The following BRAF variants were observed in gnomAD, a reference collection of about 807,000 sequenced individuals.
BRAF encodes B-Raf proto-oncogene, serine/threonine kinase.
Under a neutral mutation model 104.6 loss-of-function variants are expected in BRAF, and 16 were observed. The observed-to-expected ratio is 0.15, with a 90% CI of 0.10 to 0.23. BRAF has a LOEUF of 0.23. Ranked by LOEUF, BRAF falls within the 10% of genes least tolerant of loss-of-function variation. The pLI is 1.00. For missense variants in BRAF, 541 were observed against 937.3 expected (o/e 0.58, Z 5.52); for synonymous variants, 310 against 341.6 (o/e 0.91, Z 1.02).
At chr7:140,736,563 G>C (rs1403626206) in intron 18 of BRAF, among the ~76,000 whole-genome samples, 2 of 151,768 alleles carry the variant, frequency 1.3e-5, no homozygotes, top group African/African-American at 4.8e-5. Flanking sequence ...GAGTAGCTGG[G>C]ATTACAGGCA....
intron 1 of BRAF, among the ~76,000 whole-genome samples, chr7:140,854,221 C>T (rs1055490192): frequency 1.3e-5 from 2 of 152,172 alleles, no homozygotes; most frequent in Admixed American, 1.3e-4. Flanking sequence ...GATGTGTTCA[C>T]TGATCAACTC....
chr7:140,853,102 C>A (rs997617617), intron 1 of BRAF, among the ~76,000 whole-genome samples: 1 of 151,952 alleles, frequency 6.6e-6, no homozygotes, highest in African/African-American at 2.4e-5. Flanking sequence ...GGCACAGTAG[C>A]TATTCTTCAA....
At chr7:140,754,667 TC>T (rs1798056201) in intron 14 of BRAF, among the ~76,000 whole-genome samples, 2 of 152,180 alleles carry the variant, frequency 1.3e-5, no homozygotes, top group African/African-American at 4.8e-5. Context: ...AAATTCTAAC[TC>T]CTGAGTGAAG....
intron 1 of BRAF, among the ~76,000 whole-genome samples, chr7:140,888,489 T>C (rs1201225891): frequency 6.6e-6 from 1 of 151,952 alleles, no homozygotes; most frequent in African/African-American, 2.4e-5. Context: ...AAATCAAAGT[T>C]AACACTTTCC....
chr7:140,725,258 A>T lies in BRAF; in HGVS notation c.*1236T>A, dbSNP rs1376662367. 9.6e-7 allele frequency: 1 copy of T among 1,044,842 alleles called. No homozygotes were observed. The highest frequency in any genetic ancestry group is 1.2e-6 in the Non-Finnish European group (1 of 866,128). The allele number at this position is 1,044,842 out of a possible 1,614,324, so 64.7% of individuals were successfully genotyped here. Reference sequence around the variant, plus strand: ...AGAAACAATGAGATTATTAGCAAAGATGTTAGTGTGGATCCAGCAAGTACC... The same window carrying T: ...AGAAACAATGAGATTATTAGCAAAGTTGTTAGTGTGGATCCAGCAAGTACC... On this transcript the variant is annotated 3_prime_UTR_variant, in exon 20 of 20. Coordinates refer to ENST00000644969, the MANE Select transcript of BRAF (RefSeq NM_001374258.1).
chr7:140,718,916 G>C (rs531278217), downstream of BRAF, among the ~76,000 whole-genome samples: 3 of 152,304 alleles, frequency 2.0e-5, no homozygotes, highest in South Asian at 6.2e-4. Context: ...CGTGTGCTGT[G>C]TTGCTATAGA....
intron 9 of BRAF, chr7:140,785,851 A>C (rs1801300510): frequency 2.5e-6 from 1 of 398,842 alleles, no homozygotes; most frequent in Non-Finnish European, 4.4e-6. Context: ...ACAGGAAGAC[A>C]GACACACAGA....
chr7:140,719,545 A>G lies in BRAF; in HGVS notation c.*6949T>C. On this transcript the variant is annotated 3_prime_UTR_variant, in exon 20 of 20. Transcript: ENST00000644969. ...TGTTATACAAATTTACATGAGAAAAACTCCAAAGTACAAATGAAGGGACCT... is the reference window on the plus strand; with the variant it reads ...TGTTATACAAATTTACATGAGAAAAGCTCCAAAGTACAAATGAAGGGACCT... 9.5e-7 allele frequency: 1 copy of G among 1,048,334 alleles called. No individual in the cohort carries two copies. The highest frequency in any genetic ancestry group is 1.2e-6 in the Non-Finnish European group (1 of 866,178). The allele number at this position is 1,048,334 out of a possible 1,614,324, so 64.9% of individuals were successfully genotyped here. A position where few individuals can be genotyped will look rare whatever the true frequency, so the allele number is the denominator to read the frequency against.
At chr7:140,866,238 T>C (rs1810952652) in intron 1 of BRAF, among the ~76,000 whole-genome samples, 1 of 152,214 alleles carries the variant, frequency 6.6e-6, no homozygotes, top group South Asian at 2.1e-4. Flanking sequence ...CATAACAATA[T>C]ACATATCATG....
At chr7:140,750,400 C>T (rs964659594) in intron 16 of BRAF, among the ~76,000 whole-genome samples, 3 of 152,166 alleles carry the variant, frequency 2.0e-5, no homozygotes, top group Non-Finnish European at 4.4e-5. Flanking sequence ...ATGAGAATGA[C>T]CCGCGGAGCC....
At chr7:140,787,440 C>CA in intron 9 of BRAF, 108 bp downstream of exon 9, 2 of 1,231,012 alleles carry the variant, frequency 1.6e-6, no homozygotes, top group Non-Finnish European at 2.3e-6. Context: ...TTTCTCTACA[C>CA]ATTTTTCTCT....
rs1294276855 is a variant in BRAF, at chr7:140,924,726, C to T, written c.-23G>A. ...CATCTTATAACCGAGAGCCGGGGCC[C>T]GAGCGGCCGCTGTCGGGCGGGGAGG... On this transcript the variant is annotated 5_prime_UTR_variant, in exon 1 of 20. Coordinates refer to ENST00000644969, the MANE Select transcript of BRAF (RefSeq NM_001374258.1). This position sits in a 1 kb window ranked among gnomAD's most constrained non-coding sequence, Gnocchi z 4.2. 3 of 830,258 alleles carry T rather than the reference C, an allele frequency of 3.6e-6. No individual in the cohort carries two copies. Among genetic ancestry groups the T allele is most frequent in the Admixed American group, 2.3e-5 (1 of 42,968 alleles). 51.4% of individuals were successfully genotyped at this position (830,258 alleles called of 1,614,324 possible).
chr7:140,765,603 G>GA (rs1183242790), intron 14 of BRAF, among the ~76,000 whole-genome samples: 1 of 151,676 alleles, frequency 6.6e-6, no homozygotes, highest in Non-Finnish European at 1.5e-5. Context: ...AAATTTACAA[G>GA]AAAAAAACAA....
intron 1 of BRAF, among the ~76,000 whole-genome samples, chr7:140,870,446 A>G (rs917928081): frequency 6.6e-6 from 1 of 152,238 alleles, no homozygotes; most frequent in African/African-American, 2.4e-5. Flanking sequence ...TTCCATACTT[A>G]CTCGTTATTA....
At chr7:140,830,833 T>A (rs1806650718) in intron 3 of BRAF, among the ~76,000 whole-genome samples, 1 of 152,222 alleles carries the variant, frequency 6.6e-6, no homozygotes, top group African/African-American at 2.4e-5. Flanking sequence ...CCACATACCT[T>A]TCCCTATGCA....
chr7:140,806,086 CCTACT>C (rs1345188963), intron 5 of BRAF, among the ~76,000 whole-genome samples: 2 of 152,162 alleles, frequency 1.3e-5, no homozygotes, highest in Non-Finnish European at 2.9e-5. Context: ...CTGTTAACAA[CCTACT>C]CTTCAACCTT....
intron 18 of BRAF, among the ~76,000 whole-genome samples, chr7:140,735,925 GAAGT>G (rs975250590): frequency 9.9e-5 from 15 of 152,180 alleles, no homozygotes; most frequent in South Asian, 2.1e-4. Flanking sequence ...ATAAGACAAA[GAAGT>G]AAGCAGTTGC....
intron 1 of BRAF, among the ~76,000 whole-genome samples, chr7:140,852,261 C>G (rs1173261912): frequency 1.3e-5 from 2 of 151,788 alleles, no homozygotes; most frequent in African/African-American, 4.8e-5. Flanking sequence ...CCCAGGTACT[C>G]AGAAGGCTGA....
In BRAF at chr7:140,924,288, C is replaced by T. The variant is rs1818601181; in HGVS notation, c.138+278G>A. Reference sequence around the variant, plus strand: ...CTTCTCGGACCAACCCTGAGTTTCGCCCCCTATTGATAGCCTCCCGCTCAA... The same window carrying T: ...CTTCTCGGACCAACCCTGAGTTTCGTCCCCTATTGATAGCCTCCCGCTCAA... On this transcript the variant is annotated intron_variant, in intron 1 of 19. Transcript: ENST00000644969. The surrounding 1 kb of genome is among the most constrained non-coding windows in gnomAD (Gnocchi z 4.2). Among the ~76,000 whole-genome samples the T allele has an allele frequency of 6.6e-6, 1 of 152,112 alleles. No individual in the cohort carries two copies. Among genetic ancestry groups the T allele is most frequent in the Admixed American group, 6.5e-5 (1 of 15,280 alleles).
Sources: gnomAD v4.1 joint callset for allele counts (sites outside exome capture counted in the v4.1 genomes callset) on GRCh38, gnomAD v4.1.1 for gene constraint, Gnocchi (gnomAD v3.1) non-coding constraint, MANE v1.5 for transcripts, NCBI Gene and HGNC (gene_info 2026-07-23, HGNC 2026-07-21) for gene names.